Variants in PCDHGA1 observed in about 807,000 individuals in gnomAD.
The protein encoded by PCDHGA1 is protocadherin gamma subfamily A, 1.
PCDHGA1 carries 32 observed loss-of-function variants against 58.0 expected under a neutral mutation model. That is an observed-to-expected ratio of 0.55 (90% CI 0.42 to 0.74). The LOEUF (loss-of-function observed/expected upper bound fraction) is 0.74. PCDHGA1 is among the 30% of genes least tolerant of loss of function. The pLI is 0.00. For missense variants in PCDHGA1, 1,205 were observed against 1,182.3 expected, an observed-to-expected ratio of 1.02 and a Z score of -0.28; for synonymous variants, 498 against 501.1, an observed-to-expected ratio of 0.99 and a Z score of 0.08.
chr5:141,389,887 A>T (rs1473090410), intron 1 of PCDHGA1: 2 of 1,613,940 alleles, frequency 1.2e-6, no homozygotes, highest in South Asian at 1.1e-5. Flanking sequence ...AGCTTGCAGG[A>T]GGTGCTGCCG....
At chr5:141,371,896 T>G (rs760450150) in intron 1 of PCDHGA1, 14 of 1,613,426 alleles carry the variant, frequency 8.7e-6, no homozygotes, top group Non-Finnish European at 1.1e-5. Flanking sequence ...CCGCGGGAGC[T>G]GTCGTCCTAC....
chr5:141,340,812 C>A lies in PCDHGA1; in HGVS notation c.2421+7707C>A, dbSNP rs144923915. The A allele has an allele frequency of 1.3e-5, 21 of 1,613,626 alleles. No homozygotes were observed. The African/African-American group carries it at 2.0e-4, about 15-fold the overall frequency. On this transcript the variant is annotated intron_variant, in intron 1 of 3. Transcript: ENST00000517417. ...TACCACCTGCTCAAGGCCAGCGAGC[C>A]GGGACTCTTCTCGGTGGGTCTGCAC...
chr5:141,350,262 T>A, intron 1 of PCDHGA1: 12 of 1,510,436 alleles, frequency 7.9e-6, no homozygotes, highest in Non-Finnish European at 1.1e-5. Flanking sequence ...GTTCCTGAAA[T>A]GCAGAGAGCC....
intron 1 of PCDHGA1, chr5:141,370,925 C>T (rs1292549749): frequency 1.9e-6 from 3 of 1,614,008 alleles, no homozygotes; most frequent in Non-Finnish European, 2.5e-6. Context: ...CTGATCCGCA[C>T]TTCTCTTTGA....
At chr5:141,465,889 G>A (rs956310325) in intron 1 of PCDHGA1, among the ~76,000 whole-genome samples, 4 of 152,056 alleles carry the variant, frequency 2.6e-5, no homozygotes, top group Admixed American at 6.5e-5. Context: ...TTGGGAGGCC[G>A]AGGCGGGCAA....
In PCDHGA1 at chr5:141,431,371, A is replaced by G. The variant is rs2097366432; in HGVS notation, c.2422-63436A>G. The G allele has an allele frequency of 6.2e-7, 1 of 1,613,998 alleles. No individual in the cohort carries two copies. The highest frequency in any genetic ancestry group is 8.5e-7 in the Non-Finnish European group (1 of 1,180,038). ...TGAAACGCGCCCTGGACCGCGAAGA[A>G]AAGGCTGCTCACCACCTGGTCCTTA... On this transcript the variant is annotated intron_variant, in intron 1 of 3. Transcript: ENST00000517417. The surrounding 1 kb of genome is among the most constrained non-coding windows in gnomAD (Gnocchi z 4.8).
intron 1 of PCDHGA1, chr5:141,340,507 A>T (rs1346487155): frequency 5.0e-6 from 8 of 1,614,224 alleles, no homozygotes; most frequent in Non-Finnish European, 5.9e-6. Flanking sequence ...CCGACACTGG[A>T]GTACTCTATG....
rs200411745 is a variant in PCDHGA1, at chr5:141,490,281, C to T, written c.2422-4526C>T. The T allele has an allele frequency of 1.2e-6, 2 of 1,614,070 alleles. No homozygotes were observed. The highest frequency in any genetic ancestry group is 1.3e-5 in the African/African-American group (1 of 74,924). On this transcript the variant is annotated intron_variant, in intron 1 of 3. Transcript: ENST00000517417. This position sits in a 1 kb window ranked among gnomAD's most constrained non-coding sequence, Gnocchi z 5.4. The stretch of plus-strand genomic sequence containing the variant: ...ATGTGGGGGATGTCAATGACAATGC[C>T]CCAGAGGTGCTATTGGCCTCTTTGG...
At chr5:141,340,481 T>C in intron 1 of PCDHGA1, 2 of 1,614,186 alleles carry the variant, frequency 1.2e-6, no homozygotes, top group Non-Finnish European at 1.7e-6. Context: ...CTTATCCTCT[T>C]ACATCTCTAT....
At chr5:141,346,780 G>GTAAC (rs1472038349) in intron 1 of PCDHGA1, among the ~76,000 whole-genome samples, 1 of 152,222 alleles carries the variant, frequency 6.6e-6, no homozygotes, top group Non-Finnish European at 1.5e-5. Flanking sequence ...GGGTCCTTGA[G>GTAAC]TAACTATGAT....
chr5:141,504,351 G>A (rs77439649), intron 2 of PCDHGA1, among the ~76,000 whole-genome samples: 2 of 152,010 alleles, frequency 1.3e-5, no homozygotes, highest in African/African-American at 4.8e-5. Context: ...CTTTGTGCTA[G>A]GTGCTTCAGT....
chr5:141,383,197 G>C lies in PCDHGA1; in HGVS notation c.2421+50092G>C, dbSNP rs184479480. ...CCGGGAAGAGATCTGCGCTCAGAGTGCGCGGTGTCTGGTAAACTTTAACAT... is the reference window on the plus strand; with the variant it reads ...CCGGGAAGAGATCTGCGCTCAGAGTCCGCGGTGTCTGGTAAACTTTAACAT... On this transcript the variant is annotated intron_variant, in intron 1 of 3. Transcript: ENST00000517417. 7.4e-4 allele frequency: 1,202 copies of C among 1,614,034 alleles called. 10 individuals are homozygous for C. The African/African-American group carries it at 0.015, about 20-fold the overall frequency.
chr5:141,389,270 C>A, intron 1 of PCDHGA1: 1 of 1,614,004 alleles, frequency 6.2e-7, no homozygotes, highest in Non-Finnish European at 8.5e-7. Flanking sequence ...TGGCCGAGAA[C>A]AACCCGCCTG....
chr5:141,400,343 A>G, intron 1 of PCDHGA1: 1 of 1,614,026 alleles, frequency 6.2e-7, no homozygotes, highest in South Asian at 1.1e-5. Context: ...CCCCCCAACT[A>G]CAGTCAGGGG....
chr5:141,366,329 A>G (rs1342085917), intron 1 of PCDHGA1: 1 of 1,613,868 alleles, frequency 6.2e-7, no homozygotes, highest in South Asian at 1.1e-5. Flanking sequence ...CGTGGCCGAC[A>G]GGATCCCTGA....
At chr5:141,388,657 G>A (rs769160604) in intron 1 of PCDHGA1, 2 of 1,613,760 alleles carry the variant, frequency 1.2e-6, no homozygotes, top group Admixed American at 1.7e-5. Context: ...GTGTACCCGG[G>A]GACCACGGTG....
chr5:141,372,259 G>A (rs1229622208), intron 1 of PCDHGA1: 9 of 1,613,108 alleles, frequency 5.6e-6, no homozygotes, highest in Non-Finnish European at 7.6e-6. Context: ...CTGGGCCTGC[G>A]CACGGGTGAG....
chr5:141,422,977 G>A (rs1434523351), intron 1 of PCDHGA1: 1 of 1,614,110 alleles, frequency 6.2e-7, no homozygotes, highest in Non-Finnish European at 8.5e-7. Context: ...CCGCTCTGCG[G>A]AACCTGGCTA....
intron 3 of PCDHGA1, among the ~76,000 whole-genome samples, chr5:141,507,809 C>T (rs866898784): frequency 2.0e-5 from 3 of 152,206 alleles, no homozygotes; most frequent in Non-Finnish European, 2.9e-5. Flanking sequence ...CCCTGGGGAA[C>T]GGACCCTGGG....
Sources: allele counts gnomAD v4.1 joint callset (sites outside exome capture counted in the v4.1 genomes callset), GRCh38; gene constraint gnomAD v4.1.1; non-coding constraint Gnocchi (gnomAD v3.1); transcripts MANE v1.5; gene names NCBI Gene and HGNC (gene_info 2026-07-23, HGNC 2026-07-21).